Variants in ZNF607 observed in about 807,000 individuals in gnomAD.
The protein encoded by ZNF607 is zinc finger protein 607.
Under a neutral mutation model 12.8 loss-of-function variants are expected in ZNF607, and 5 were observed. The observed-to-expected ratio is 0.39, with a 90% CI of 0.20 to 0.82. The LOEUF is 0.82. ZNF607 is among the 40% of genes least tolerant of loss of function. The pLI, the probability that ZNF607 is intolerant of heterozygous loss-of-function variation, is 0.39. For synonymous variants in ZNF607, 287 were observed against 276.2 expected, an observed-to-expected ratio of 1.04 and a Z score of -0.39; for missense variants, 851 against 859.2, an observed-to-expected ratio of 0.99 and a Z score of 0.12.
At chr19:37,717,644 A>C (rs954350487) in intron 1 of ZNF607, among the ~76,000 whole-genome samples, 1 of 56,732 alleles carries the variant, frequency 1.8e-5, no homozygotes, top group African/African-American at 7.3e-5. Context: ...AAAAATACAA[A>C]AAAAAAAAAA....
chr19:37,705,178 G>A (rs949694565), intron 4 of ZNF607, among the ~76,000 whole-genome samples: 3 of 151,932 alleles, frequency 2.0e-5, no homozygotes, highest in African/African-American at 7.3e-5. Context: ...GGGAGAAAAG[G>A]GAAAGAAGGC....
rs368659035 is a variant in ZNF607 at position 37,698,938 on chromosome 19, C to T, written c.1193G>A (p.Cys398Tyr). The change falls in exon 5 of 5, where the codon TGT (cysteine) becomes TAT (tyrosine). Residue 398 changes from cysteine to tyrosine, a missense_variant. Transcript: ENST00000355202. The stretch of plus-strand genomic sequence containing the variant: ...TGAATTGAGCCTAAAGGACTTCCCA[C>T]ATTTGTTACATTCATAGGGTTTCTT... ...SGKKPYECNK[C>Y]GKSFRLNSSL... 44 of 1,614,048 alleles carry T rather than the reference C, an allele frequency of 2.7e-5. No homozygotes were observed. Among genetic ancestry groups the T allele is most frequent in the Non-Finnish European group, 3.5e-5 (41 of 1,179,988 alleles).
intron 4 of ZNF607, among the ~76,000 whole-genome samples, chr19:37,700,254 C>G (rs1352423743): frequency 6.6e-6 from 1 of 152,110 alleles, no homozygotes; most frequent in East Asian, 1.9e-4. Flanking sequence ...GTACCACACC[C>G]CCTGTATATA....
Position 37,698,832 on chromosome 19 carries a change from A to G in ZNF607, c.1299T>C (p.Arg433=), listed in dbSNP as rs2045007077. 6.2e-7 allele frequency: 1 copy of G among 1,613,618 alleles called. No homozygotes were observed. The highest frequency in any genetic ancestry group is 8.5e-7 in the Non-Finnish European group (1 of 1,179,898). Residue 433 remains arginine, a synonymous_variant, in exon 5 of 5, where the codon CGT becomes CGC. Coordinates refer to ENST00000355202, the MANE Select transcript of ZNF607 (RefSeq NM_032689.5). ...CKECGKAFSQ[R]AHLAHHNRIH... is the part of the protein sequence containing the mutation. ...TTCTGTTATGATGGGCAAGGTGTGC[A>G]CGCTGACTGAAGGCCTTCCCACATT... is the stretch of plus-strand genomic sequence containing the variant.
rs2044978546 is a variant in ZNF607 at position 37,696,763 on chromosome 19, G to A, written c.*1277C>T. ...GTCCCCTGCAGTGGCCAGTGAGTTG[G>A]CGATCAGCTCAGCTGCCTTGGAGTC... On this transcript the variant is annotated 3_prime_UTR_variant, in exon 5 of 5. Coordinates refer to ENST00000355202, the MANE Select transcript of ZNF607 (RefSeq NM_032689.5). 2 of 1,317,614 alleles carry A rather than the reference G, an allele frequency of 1.5e-6. No homozygotes were observed. Among genetic ancestry groups the A allele is most frequent in the South Asian group, 1.2e-5 (1 of 82,264 alleles). The allele number at this position is 1,317,614 out of a possible 1,614,324, so 81.6% of individuals were successfully genotyped here.
At chr19:37,703,432 T>C (rs2045056341) in intron 4 of ZNF607, among the ~76,000 whole-genome samples, 1 of 152,058 alleles carries the variant, frequency 6.6e-6, no homozygotes, top group Non-Finnish European at 1.5e-5. Context: ...AAGATTAACA[T>C]AGTGAATGAC....
At chr19:37,709,671 A>C (rs769498581) in intron 3 of ZNF607, 25 bp downstream of exon 3, 69 of 1,606,760 alleles carry the variant, frequency 4.3e-5, no homozygotes, top group Non-Finnish European at 5.8e-5. Flanking sequence ...AATTATTCTA[A>C]ATCATTCCAG....
rs1042948990 is a variant in ZNF607, at chr19:37,697,314, A to C, written c.*726T>G. 4 of 1,096,324 alleles carry C rather than the reference A, an allele frequency of 3.6e-6. No homozygotes were observed. In the African/African-American group the frequency reaches 6.0e-5, roughly 17 times the overall value. The allele number at this position is 1,096,324 out of a possible 1,614,324, so 67.9% of individuals were successfully genotyped here. A position where few individuals can be genotyped will look rare whatever the true frequency, so the allele number is the denominator to read the frequency against. ...GATGGCAGCTCTGTGCCCAGCATCCACATTACATAAGGCAGAGTTCACCAT... is the reference window on the plus strand; with the variant it reads ...GATGGCAGCTCTGTGCCCAGCATCCCCATTACATAAGGCAGAGTTCACCAT... On this transcript the variant is annotated 3_prime_UTR_variant, in exon 5 of 5. Coordinates refer to ENST00000355202, the MANE Select transcript of ZNF607 (RefSeq NM_032689.5).
At chr19:37,711,203 C>G (rs1333427991) in intron 2 of ZNF607, among the ~76,000 whole-genome samples, 4 of 152,192 alleles carry the variant, frequency 2.6e-5, no homozygotes, top group African/African-American at 9.7e-5. Context: ...TCCACCTTAT[C>G]TAGCTGAAAA....
intron 2 of ZNF607, among the ~76,000 whole-genome samples, chr19:37,710,392 G>C (rs2145242495): frequency 6.6e-6 from 1 of 150,994 alleles, no homozygotes; most frequent in African/African-American, 2.4e-5. Flanking sequence ...CTTGAGCCTA[G>C]AAGGCAGAGG....
At chr19:37,711,283 C>CA (rs1485208442) in intron 2 of ZNF607, among the ~76,000 whole-genome samples, 1 of 152,164 alleles carries the variant, frequency 6.6e-6, no homozygotes, top group African/African-American at 2.4e-5. Context: ...TCAATCGCAA[C>CA]AAATGACAAA....
chr19:37,710,361 G>A (rs528460502), intron 2 of ZNF607, among the ~76,000 whole-genome samples: 26 of 151,844 alleles, frequency 1.7e-4, no homozygotes, highest in Admixed American at 5.9e-4. Context: ...AGCTACTCAG[G>A]AGGCTGAGGC....
intron 1 of ZNF607, among the ~76,000 whole-genome samples, chr19:37,713,230 T>C (rs2045146855): frequency 6.6e-6 from 1 of 152,078 alleles, no homozygotes; most frequent in Non-Finnish European, 1.5e-5. Context: ...ATGTCTCTGT[T>C]ACGTGACATC....
At position 37,696,384 on chromosome 19, in the gene ZNF607, CTAA is replaced by C. The variant is rs1160757211; in HGVS notation, c.*1653_*1655del. The C allele has an allele frequency of 1.1e-5, 2 of 185,040 alleles. No homozygotes were observed. The highest frequency in any genetic ancestry group is 4.8e-5 in the African/African-American group (2 of 41,926). 11.5% of individuals were successfully genotyped at this position (185,040 alleles called of 1,614,324 possible). ...GTAATGATATTATTATATACAGAAG[CTAA>C]TGTTTATTGAACGTAACAGTATATT... On this transcript the variant is annotated 3_prime_UTR_variant, in exon 5 of 5. Transcript: ENST00000355202.
At chr19:37,702,287 C>CAAAAAAAAAAAAAAAA (rs10714690) in intron 4 of ZNF607, among the ~76,000 whole-genome samples, 5 of 73,586 alleles carry the variant, frequency 6.8e-5, no homozygotes, top group Non-Finnish European at 9.9e-5. Flanking sequence ...AACTCCATCT[C>CAAAAAAAAAAAAAAAA]AAAAAAAAAA....
rs1339348401 is a variant in ZNF607, at chr19:37,698,632, G to A, written c.1499C>T (p.Thr500Ile). ...CTTACATTCATAAGGTTTCTCACCA[G>A]TATGAACTCTGCGATGTATAGTGAG... ...HKLTIHRRVH[T>I]GEKPYECKEC... The change falls in exon 5 of 5, where the codon ACT becomes ATT. Residue 500 changes from threonine to isoleucine, a missense_variant. Transcript: ENST00000355202. 4 of 1,613,742 alleles carry A rather than the reference G, an allele frequency of 2.5e-6. No individual in the cohort carries two copies. Among genetic ancestry groups the A allele is most frequent in the South Asian group, 1.1e-5 (1 of 91,060 alleles).
rs547255774 is a variant in ZNF607 at position 37,704,874 on chromosome 19, C to T, written c.235+3040G>A. Among the ~76,000 whole-genome samples the T allele has an allele frequency of 3.9e-5, 6 of 152,192 alleles. No homozygotes were observed. In the East Asian group the frequency reaches 1.2e-3, roughly 29 times the overall value. ...GCTGAGGCAGGAGAATGGCGTGAAC[C>T]CAGGAGGTGGAGCTTGCAGTGAGCC... On this transcript the variant is annotated intron_variant, in intron 4 of 4. Transcript: ENST00000355202.
intron 4 of ZNF607, among the ~76,000 whole-genome samples, chr19:37,705,975 C>T (rs371759830): frequency 1.3e-5 from 2 of 151,836 alleles, no homozygotes; most frequent in Non-Finnish European, 2.9e-5. Context: ...CCGAGGTGGG[C>T]GGATCACCCG....
chr19:37,698,757 A>C lies in ZNF607; in HGVS notation c.1374T>G (p.Phe458Leu). Reference sequence around the variant, plus strand: ...GTATAACAAGATATGAGGCACAACGAAAGGACTTCCCACATTCTTTACATT... The same window carrying C: ...GTATAACAAGATATGAGGCACAACGCAAGGACTTCCCACATTCTTTACATT... ...PFECKECGKS[F>L]RCASYLVIHE... The change falls in exon 5 of 5, where the codon TTT becomes TTG. Residue 458 changes from phenylalanine (F) to leucine (L), a missense_variant. Phe to Leu is a conservative substitution (Grantham distance 22). Transcript: ENST00000355202. The C allele has an allele frequency of 6.2e-7, 1 of 1,613,832 alleles. No individual in the cohort carries two copies. The highest frequency in any genetic ancestry group is 1.1e-5 in the South Asian group (1 of 91,078).
Sources: allele counts gnomAD v4.1 joint callset (sites outside exome capture counted in the v4.1 genomes callset), GRCh38; gene constraint gnomAD v4.1.1; transcripts MANE v1.5; gene names NCBI Gene and HGNC (gene_info 2026-07-23, HGNC 2026-07-21).